Variants in FHIT observed in about 807,000 individuals in gnomAD.
FHIT encodes fragile histidine triad diadenosine triphosphatase.
Under a neutral mutation model 17.9 loss-of-function variants are expected in FHIT, and 19 were observed. That is an observed-to-expected ratio of 1.06 (90% CI 0.74 to 1.56). The LOEUF (loss-of-function observed/expected upper bound fraction) is 1.56. Ranked by LOEUF, FHIT falls within the 40% of genes most tolerant of loss-of-function variation. FHIT has a pLI of 0.00. For missense variants in FHIT, 248 were observed against 189.2 expected (o/e 1.31, Z -1.82); for synonymous variants, 81 against 69.7 (o/e 1.16, Z -0.81).
At chr3:60,920,301 G>A (rs1353856807) in intron 3 of FHIT, among the ~76,000 whole-genome samples, 2 of 152,108 alleles carry the variant, frequency 1.3e-5, no homozygotes, top group Non-Finnish European at 2.9e-5. Flanking sequence ...AAATTTATGA[G>A]AGAAAAGCTT....
chr3:60,358,042 G>C (rs995230977), intron 5 of FHIT, among the ~76,000 whole-genome samples: 1 of 152,168 alleles, frequency 6.6e-6, no homozygotes, highest in African/African-American at 2.4e-5. Flanking sequence ...CAGGAGATAG[G>C]CCTTAGCAAT....
At chr3:59,760,758 G>C (rs1344109540) in intron 8 of FHIT, among the ~76,000 whole-genome samples, 1 of 151,946 alleles carries the variant, frequency 6.6e-6, no homozygotes, top group Non-Finnish European at 1.5e-5. Flanking sequence ...GTGTATCTGA[G>C]AAAAACAACC....
At chr3:60,048,513 G>T (rs1280641497) in intron 5 of FHIT, among the ~76,000 whole-genome samples, 6 of 152,150 alleles carry the variant, frequency 3.9e-5, no homozygotes, top group Non-Finnish European at 8.8e-5. Context: ...TACAAATGCG[G>T]TCACATTCTG....
intron 8 of FHIT, among the ~76,000 whole-genome samples, chr3:59,846,643 T>TA (rs1368092397): frequency 6.6e-6 from 1 of 152,166 alleles, no homozygotes; most frequent in African/African-American, 2.4e-5. Flanking sequence ...CTTTTCTACT[T>TA]ACAAATATAT....
chr3:60,316,977 T>C (rs1709190570), intron 5 of FHIT, among the ~76,000 whole-genome samples: 1 of 152,176 alleles, frequency 6.6e-6, no homozygotes, highest in Admixed American at 6.5e-5. Context: ...ACCCAAGAAC[T>C]AGGATTTTAT....
chr3:60,515,634 C>T (rs1049967905), intron 5 of FHIT, among the ~76,000 whole-genome samples: 3 of 149,850 alleles, frequency 2.0e-5, no homozygotes, highest in Non-Finnish European at 4.4e-5. Context: ...ACTTGTAGAA[C>T]ACAAAAATCA....
At chr3:60,615,787 A>T (rs1157341089) in intron 4 of FHIT, among the ~76,000 whole-genome samples, 1 of 152,238 alleles carries the variant, frequency 6.6e-6, no homozygotes, top group South Asian at 2.1e-4. Flanking sequence ...ATATGATTCC[A>T]TAAGATAAGG....
rs151096955 is a variant in FHIT, at chr3:61,019,359, G to A, written c.-111+22688C>T. On this transcript the variant is annotated intron_variant, in intron 3 of 9. Coordinates refer to ENST00000492590, the MANE Select transcript of FHIT (RefSeq NM_002012.4). Reference sequence around the variant, plus strand: ...TTAGTTGTGTTATTTTCCTCTTGATGTCTTGAATGTTGCAAGGTACTATTC... The same window carrying A: ...TTAGTTGTGTTATTTTCCTCTTGATATCTTGAATGTTGCAAGGTACTATTC... Among the ~76,000 whole-genome samples, 546 of 152,332 alleles carry A rather than the reference G, an allele frequency of 3.6e-3. 4 individuals carry two copies. The highest frequency in any genetic ancestry group is 5.8e-3 in the Non-Finnish European group (394 of 68,012).
intron 4 of FHIT, among the ~76,000 whole-genome samples, chr3:60,739,395 G>A (rs1189171729): frequency 6.6e-6 from 1 of 152,178 alleles, no homozygotes; most frequent in Non-Finnish European, 1.5e-5. Context: ...CATGGGACTG[G>A]AGCCCAAAGC....
chr3:60,690,654 G>C, intron 4 of FHIT: 1 of 511,058 alleles, frequency 2.0e-6, no homozygotes, highest in South Asian at 1.5e-5. Flanking sequence ...CAAACAGCTC[G>C]AAGGAGACGC....
chr3:61,144,192 A>T (rs1486275598), intron 2 of FHIT, among the ~76,000 whole-genome samples: 7 of 152,116 alleles, frequency 4.6e-5, no homozygotes. Context: ...ATTAGCAGTC[A>T]CTCCAATTTC....
At chr3:61,053,811 T>C (rs935989578) in intron 2 of FHIT, among the ~76,000 whole-genome samples, 4 of 151,992 alleles carry the variant, frequency 2.6e-5, no homozygotes, top group Non-Finnish European at 5.9e-5. Context: ...AGGCACAATA[T>C]GGAAGAGAGA....
At chr3:61,111,864 T>C (rs2036168711) in intron 2 of FHIT, among the ~76,000 whole-genome samples, 1 of 152,200 alleles carries the variant, frequency 6.6e-6, no homozygotes, top group African/African-American at 2.4e-5. Flanking sequence ...AATGTAGTTA[T>C]AAGTTCTAGC....
In FHIT at chr3:59,945,539, CT is replaced by C. The variant is rs201054302; in HGVS notation, c.280-23126del. ...TTTAGCTTAATTAGGTTCCATTTGT[CT>C]TTTTTTTTTTTTGGTCACAATTGCT... On this transcript the variant is annotated intron_variant, in intron 7 of 9. Coordinates refer to ENST00000492590, the MANE Select transcript of FHIT (RefSeq NM_002012.4). 8.7e-3 allele frequency among the ~76,000 whole-genome samples: 1,221 copies of C among 140,490 alleles called. 4 individuals are homozygous for C. Among genetic ancestry groups the C allele is most frequent in the East Asian group, 0.038 (182 of 4,808 alleles). 92.2% of individuals were successfully genotyped at this position (140,490 alleles called of 152,430 possible).
intron 5 of FHIT, among the ~76,000 whole-genome samples, chr3:60,116,816 A>C (rs1704982450): frequency 6.6e-6 from 1 of 151,898 alleles, no homozygotes; most frequent in Non-Finnish European, 1.5e-5. Flanking sequence ...TTTTCCTGCC[A>C]TAGGTGATGT....
At chr3:60,377,513 C>G (rs1157801673) in intron 5 of FHIT, among the ~76,000 whole-genome samples, 1 of 118,240 alleles carries the variant, frequency 8.5e-6, no homozygotes, top group Admixed American at 1.1e-4. Context: ...CTCGCTCTGT[C>G]GCCCAGGCCG....
chr3:59,831,055 G>A (rs1177861694), intron 8 of FHIT, among the ~76,000 whole-genome samples: 4 of 152,198 alleles, frequency 2.6e-5, no homozygotes, highest in Admixed American at 2.0e-4. Context: ...ACCAGTGTGG[G>A]CTCAGTTACT....
intron 5 of FHIT, among the ~76,000 whole-genome samples, chr3:60,441,808 A>G (rs1190231415): frequency 7.0e-5 from 7 of 100,124 alleles, no homozygotes; most frequent in African/African-American, 1.3e-4. Flanking sequence ...ATATATATAT[A>G]TATATATCAG....
chr3:60,788,197 T>C (rs142995431), intron 4 of FHIT, among the ~76,000 whole-genome samples: 1,739 of 152,122 alleles, frequency 0.011, 30 homozygotes, highest in African/African-American at 0.039. Flanking sequence ...GAAGCTAAGG[T>C]GGGAGGATTA....
Sources: gnomAD v4.1 joint callset for allele counts (sites outside exome capture counted in the v4.1 genomes callset) on GRCh38, gnomAD v4.1.1 for gene constraint, MANE v1.5 for transcripts, NCBI Gene and HGNC (gene_info 2026-07-23, HGNC 2026-07-21) for gene names.